Variants in IFNGR2 observed in about 807,000 individuals in gnomAD.
The protein encoded by IFNGR2 is IFN-gamma receptor 2.
Under a neutral mutation model 41.1 loss-of-function variants are expected in IFNGR2, and 15 were observed. The ratio of observed to expected loss-of-function variants is 0.37; its 90% CI spans 0.24 to 0.56. The LOEUF (loss-of-function observed/expected upper bound fraction) is 0.56. Among genes scored for constraint, IFNGR2 ranks in the 20% least tolerant of loss-of-function variants. The pLI is 0.81. For synonymous variants in IFNGR2, 161 were observed against 171.6 expected, an observed-to-expected ratio of 0.94 and a Z score of 0.48; for missense variants, 362 against 415.7, an observed-to-expected ratio of 0.87 and a Z score of 1.12.
At chr21:33,403,725 T>G (rs1290950646) in intron 1 of IFNGR2, 109 bp downstream of exon 1, 2 of 654,558 alleles carry the variant, frequency 3.1e-6, no homozygotes, top group East Asian at 4.6e-5. Context: ...GTGCTCAGAG[T>G]GGGTGGGAAT....
chr21:33,407,361 T>C lies in IFNGR2; in HGVS notation c.73+3745T>C, dbSNP rs1367094499. 3.3e-5 allele frequency among the ~76,000 whole-genome samples: 5 copies of C among 152,260 alleles called. No individual in the cohort carries two copies. In the East Asian group the frequency reaches 7.7e-4, roughly 24 times the overall value. ...CACTGGGTAAGCTCCTGAGTGTTCA[T>C]AATCTCAGCAAGTGAAAATATCATG... On this transcript the variant is annotated intron_variant, in intron 1 of 6. Transcript: ENST00000290219.
chr21:33,427,130 C>G lies in IFNGR2; in HGVS notation c.561+98C>G. The G allele has an allele frequency of 3.9e-6, 4 of 1,038,538 alleles. No homozygotes were observed. The South Asian group carries it at 5.1e-5, about 13-fold the overall frequency. The allele number at this position is 1,038,538 out of a possible 1,614,324, so 64.3% of individuals were successfully genotyped here. A position where few individuals can be genotyped will look rare whatever the true frequency, so the allele number is the denominator to read the frequency against. On this transcript the variant is annotated intron_variant, in intron 4 of 6. Transcript: ENST00000290219. ...TTTAACATGGGCAAGAACAGGGTGT[C>G]TCCATGTCCCCGTGTCCCCATAGAG...
intron 6 of IFNGR2, 26 bp from the exon 7 acceptor site, chr21:33,436,802 C>A: frequency 1.2e-6 from 2 of 1,608,874 alleles, no homozygotes; most frequent in Non-Finnish European, 8.5e-7. Context: ...AAACTAATTA[C>A]AATTTTGCTT....
intron 1 of IFNGR2, among the ~76,000 whole-genome samples, chr21:33,412,503 C>G (rs1012335366): frequency 8.5e-5 from 13 of 152,194 alleles, no homozygotes; most frequent in Non-Finnish European, 1.6e-4. Flanking sequence ...CCGATACCGT[C>G]AAGGCCTGTC....
At chr21:33,411,099 C>T (rs1255967299) in intron 1 of IFNGR2, among the ~76,000 whole-genome samples, 2 of 152,210 alleles carry the variant, frequency 1.3e-5, no homozygotes, top group Admixed American at 6.5e-5. Context: ...TTCCCTGTGG[C>T]GTCTGCAGTT....
At chr21:33,421,760 C>T in intron 3 of IFNGR2, 75 bp downstream of exon 3, 1 of 1,121,468 alleles carries the variant, frequency 8.9e-7, no homozygotes, top group Non-Finnish European at 1.4e-6. Flanking sequence ...CTCCACACAC[C>T]TCTGTCCTGC....
chr21:33,416,652 C>A (rs971106106), intron 2 of IFNGR2, among the ~76,000 whole-genome samples: 19 of 151,918 alleles, frequency 1.3e-4, no homozygotes, highest in African/African-American at 4.6e-4. Flanking sequence ...GAAACCCTGT[C>A]TCTACTAAAA....
chr21:33,403,306 C>G (rs2083653357), upstream of IFNGR2: 1 of 160,070 alleles, frequency 6.2e-6, no homozygotes, highest in African/African-American at 2.6e-5. Context: ...GCCGCGGTTC[C>G]CGGAGCGGGA....
At chr21:33,419,320 C>T (rs569934570) in intron 2 of IFNGR2, among the ~76,000 whole-genome samples, 1 of 152,104 alleles carries the variant, frequency 6.6e-6, no homozygotes, top group African/African-American at 2.4e-5. Context: ...GTTAGCTAGG[C>T]TGGTTTCGAA....
At chr21:33,436,129 G>A (rs888464921) in intron 6 of IFNGR2, among the ~76,000 whole-genome samples, 8 of 151,396 alleles carry the variant, frequency 5.3e-5, no homozygotes, top group Middle Eastern at 6.8e-3. Context: ...AGGCCGAGGC[G>A]GGCGGATCAC....
At chr21:33,414,783 CTG>C in intron 1 of IFNGR2, 103 bp from the exon 2 acceptor site, 2 of 1,353,346 alleles carry the variant, frequency 1.5e-6, no homozygotes, top group Non-Finnish European at 2.0e-6. Flanking sequence ...TTGACAAAAA[CTG>C]AGTTGTATGA....
chr21:33,426,981 G>A lies in IFNGR2; in HGVS notation c.510G>A (p.Thr170=), dbSNP rs121913209. 71 of 1,613,374 alleles carry A rather than the reference G, an allele frequency of 4.4e-5. 1 individual carries two copies. In the Middle Eastern group the frequency reaches 1.5e-3, roughly 34 times the overall value. The change falls in exon 4 of 7, where the codon ACG becomes ACA. Residue 170 remains threonine, a synonymous_variant. Coordinates refer to ENST00000290219, the MANE Select transcript of IFNGR2 (RefSeq NM_005534.4). The stretch of plus-strand genomic sequence containing the variant: ...CCTTTGACATCGCTGATACCTCCAC[G>A]GCCTTTTTTTGTTATTATGTCCATT... The part of the protein sequence containing the change: ...SSPFDIADTS[T]AFFCYYVHYW...
intron 1 of IFNGR2, among the ~76,000 whole-genome samples, chr21:33,408,220 G>A (rs1358336210): frequency 2.0e-5 from 3 of 151,952 alleles, no homozygotes; most frequent in African/African-American, 7.3e-5. Flanking sequence ...TGTTTGATAT[G>A]GAGTTTTGCT....
intron 4 of IFNGR2, among the ~76,000 whole-genome samples, chr21:33,431,258 A>AT (rs1165802206): frequency 6.6e-6 from 1 of 152,226 alleles, no homozygotes; most frequent in East Asian, 1.9e-4. Context: ...AACTTGAGGT[A>AT]TCTAGATTAA....
At chr21:33,422,836 C>T (rs1601081389) in intron 3 of IFNGR2, among the ~76,000 whole-genome samples, 1 of 131,086 alleles carries the variant, frequency 7.6e-6, no homozygotes. Flanking sequence ...GAGATTGCAC[C>T]ATTGCACTCC....
At chr21:33,433,599 TG>T (rs1228385182) in intron 6 of IFNGR2, among the ~76,000 whole-genome samples, 2 of 151,862 alleles carry the variant, frequency 1.3e-5, no homozygotes, top group East Asian at 3.9e-4. Flanking sequence ...GTGGTTGCGG[TG>T]GTGGAGGGAG....
chr21:33,421,696 T>C lies in IFNGR2; in HGVS notation c.412+11T>C, dbSNP rs762790808. The C allele has an allele frequency of 6.2e-7, 1 of 1,602,350 alleles. No homozygotes were observed. Among genetic ancestry groups the C allele is most frequent in the African/African-American group, 1.3e-5 (1 of 74,830 alleles). Reference sequence around the variant, plus strand: ...AACACTATCGGAATGGTAAGAGAACTTGAGTATAGAACTTCCTTTATACTT... The same window carrying C: ...AACACTATCGGAATGGTAAGAGAACCTGAGTATAGAACTTCCTTTATACTT... On this transcript the variant is annotated intron_variant, in intron 3 of 6. Transcript: ENST00000290219.
At chr21:33,431,501 C>T (rs1189210197) in intron 4 of IFNGR2, among the ~76,000 whole-genome samples, 8 of 151,984 alleles carry the variant, frequency 5.3e-5, no homozygotes, top group Non-Finnish European at 1.0e-4. Flanking sequence ...ACCTGGGAGG[C>T]GGAGGTTGCA....
Position 33,421,591 on chromosome 21 carries a change from A to G in IFNGR2, c.318A>G (p.Pro106=), listed in dbSNP as rs1253174809. 6 of 1,614,064 alleles carry G rather than the reference A, an allele frequency of 3.7e-6. No homozygotes were observed. In the South Asian group the frequency reaches 6.6e-5, roughly 18 times the overall value. ...FTAASPSAGF[P]MDFNVTLRLR... is the part of the protein sequence containing the mutation. The stretch of plus-strand genomic sequence containing the variant: ...CCGCCAGTCCCTCAGCAGGCTTCCC[A>G]ATGGATTTCAATGTCACTCTACGCC... Residue 106 remains proline (P), a synonymous_variant, in exon 3 of 7, where the codon CCA becomes CCG. Transcript: ENST00000290219.
Sources: allele counts gnomAD v4.1 joint callset (sites outside exome capture counted in the v4.1 genomes callset), GRCh38; gene constraint gnomAD v4.1.1; transcripts MANE v1.5; gene names NCBI Gene and HGNC (gene_info 2026-07-23, HGNC 2026-07-21).